ABCA13: variants seen among roughly 807,000 people sequenced by gnomAD.
ABCA13 encodes ATP-binding cassette sub-family A member 13.
Under a neutral mutation model 478.7 loss-of-function variants are expected in ABCA13, and 476 were observed. The observed-to-expected ratio is 0.99, with a 90% confidence interval of 0.92 to 1.07. ABCA13 has a LOEUF of 1.07. ABCA13 is among the 50% of genes least tolerant of loss of function. ABCA13 has a pLI of 0.00. For synonymous variants in ABCA13, 2,252 were observed against 2,158.9 expected (o/e 1.04, Z -1.20); for missense variants, 6,060 against 5,910.6 (o/e 1.03, Z -0.83).
chr7:48,633,931 C>CATAGATAGATAG (rs58253125), intron 59 of ABCA13, among the ~76,000 whole-genome samples: 4 of 144,890 alleles, frequency 2.8e-5, no homozygotes, highest in East Asian at 2.1e-4. Context: ...TAGATAGATA[C>CATAGATAGATAG]ATAGATAGAT....
intron 20 of ABCA13, among the ~76,000 whole-genome samples, chr7:48,291,358 T>G (rs1331904563): frequency 6.6e-6 from 1 of 152,184 alleles, no homozygotes; most frequent in Non-Finnish European, 1.5e-5. Flanking sequence ...ACTCACACAA[T>G]GCAGGGGTTC....
intron 42 of ABCA13, 77 bp from the exon 43 acceptor site, chr7:48,454,960 C>A: frequency 7.0e-7 from 1 of 1,424,416 alleles, no homozygotes; most frequent in Non-Finnish European, 9.2e-7. Flanking sequence ...GCAGGGTCAC[C>A]GAGAGGGCAA....
intron 3 of ABCA13, among the ~76,000 whole-genome samples, chr7:48,200,528 C>G (rs926155163): frequency 6.6e-6 from 1 of 152,144 alleles, no homozygotes; most frequent in African/African-American, 2.4e-5. Context: ...GAGTGGTAGT[C>G]AGGTTAATAG....
At chr7:48,438,071 G>A (rs948841896) in intron 42 of ABCA13, among the ~76,000 whole-genome samples, 4 of 151,998 alleles carry the variant, frequency 2.6e-5, no homozygotes, top group Non-Finnish European at 5.9e-5. Flanking sequence ...TCCAATCTTA[G>A]ATCTAAACTA....
intron 48 of ABCA13, among the ~76,000 whole-genome samples, chr7:48,492,237 C>A (rs776260534): frequency 6.6e-6 from 1 of 152,106 alleles, no homozygotes. Context: ...TGCATCACTG[C>A]CCTGCCATCC....
At chr7:48,473,919 T>C (rs971964686) in intron 45 of ABCA13, among the ~76,000 whole-genome samples, 2 of 152,230 alleles carry the variant, frequency 1.3e-5, no homozygotes, top group African/African-American at 4.8e-5. Flanking sequence ...ACAGTACGCT[T>C]AGTGAGCACT....
At position 48,269,027 on chromosome 7, in the gene ABCA13, A is replaced by G. The variant is rs1288077948; in HGVS notation, c.2053A>G (p.Met685Val). ...TTTTGAAGAAAACATGGATTGGAAA[A>G]TGATCAGTGATAATTATTTTCAATT... is the stretch of plus-strand genomic sequence containing the variant. ...PCFEENMDWKMISDNYFQFLN... is the reference protein window; with the variant it reads ...PCFEENMDWKVISDNYFQFLN... The change falls in exon 16 of 62, where the codon ATG becomes GTG. Residue 685 changes from methionine (M) to valine (V), a missense_variant. This residue lies in a region of ABCA13 where 4,423 missense variants were observed against 4,309.1 expected (regional missense o/e 1.03). Transcript: ENST00000435803. 5 of 1,603,290 alleles carry G rather than the reference A, an allele frequency of 3.1e-6. No homozygotes were observed. Among genetic ancestry groups the G allele is most frequent in the Non-Finnish European group, 4.3e-6 (5 of 1,171,894 alleles).
At chr7:48,260,880 CTA>C (rs1472758738) in intron 15 of ABCA13, among the ~76,000 whole-genome samples, 4 of 151,778 alleles carry the variant, frequency 2.6e-5, no homozygotes, top group Non-Finnish European at 5.9e-5. Context: ...TTCCTGGATT[CTA>C]TGTTTTATCT....
In ABCA13 at chr7:48,392,057, A is replaced by G. The variant is rs765342883; in HGVS notation, c.11791A>G (p.Thr3931Ala). The G allele has an allele frequency of 1.9e-6, 3 of 1,613,904 alleles. No homozygotes were observed. The South Asian group carries it at 3.3e-5, about 18-fold the overall frequency. Residue 3931 changes from threonine to alanine, a missense_variant, in exon 38 of 62, where the codon ACC becomes GCC. This residue lies in a region of ABCA13 where 1,627 missense variants were observed against 1,571.0 expected (regional missense o/e 1.04). Transcript: ENST00000435803. Reference protein sequence around the residue: ...PQQDILLDNLTVREHLLLFAS... With the variant: ...PQQDILLDNLAVREHLLLFAS... ...GCAGGACATCCTGTTGGACAACCTCACCGTCCGGGAACATTTGCTGCTCTT... is the reference window on the plus strand; with the variant it reads ...GCAGGACATCCTGTTGGACAACCTCGCCGTCCGGGAACATTTGCTGCTCTT...
At chr7:48,238,100 T>C (rs1790238556) in intron 8 of ABCA13, among the ~76,000 whole-genome samples, 1 of 152,210 alleles carries the variant, frequency 6.6e-6, no homozygotes, top group African/African-American at 2.4e-5. Context: ...CAGGCTGTTA[T>C]AACAAAAGAC....
At chr7:48,203,277 G>A (rs1007921755) in intron 3 of ABCA13, among the ~76,000 whole-genome samples, 1 of 152,170 alleles carries the variant, frequency 6.6e-6, no homozygotes, top group African/African-American at 2.4e-5. Flanking sequence ...ACGCAGCCCC[G>A]GTTCCCGCTC....
intron 55 of ABCA13, among the ~76,000 whole-genome samples, chr7:48,577,762 A>C (rs1788320770): frequency 6.6e-6 from 1 of 152,130 alleles, no homozygotes; most frequent in African/African-American, 2.4e-5. Flanking sequence ...AAACCAGACA[A>C]GGGCATTACA....
chr7:48,487,379 G>A (rs904256434), intron 47 of ABCA13, among the ~76,000 whole-genome samples: 3 of 151,312 alleles, frequency 2.0e-5, no homozygotes, highest in Non-Finnish European at 2.9e-5. Context: ...AATCTACAAA[G>A]GGTGAAACTA....
At chr7:48,525,666 T>A (rs1278066724) in intron 54 of ABCA13, among the ~76,000 whole-genome samples, 2 of 112,264 alleles carry the variant, frequency 1.8e-5, no homozygotes, top group Non-Finnish European at 3.4e-5. Context: ...TCTGTTTAGA[T>A]GCGCTTTTTT....
chr7:48,381,283 G>T (rs990798561), intron 35 of ABCA13, among the ~76,000 whole-genome samples: 4 of 151,992 alleles, frequency 2.6e-5, no homozygotes, highest in Non-Finnish European at 4.4e-5. Flanking sequence ...GTCTCCTGTG[G>T]GTAGGAGGGT....
Position 48,278,698 on chromosome 7 carries a change from C to A in ABCA13, c.7504C>A (p.Leu2502Met). The A allele has an allele frequency of 1.2e-5, 19 of 1,613,922 alleles. No homozygotes were observed. Among genetic ancestry groups the A allele is most frequent in the Non-Finnish European group, 1.6e-5 (19 of 1,179,788 alleles). ...ACCCCTCTTAGAAATGTCTGGGACT[C>A]TGGTCATGCTGTTGAATGACAGTGC... Reference protein sequence around the residue: ...LKPLLEMSGTLVMLLNDSADL... With the variant: ...LKPLLEMSGTMVMLLNDSADL... The change falls in exon 18 of 62, where the codon CTG becomes ATG. Residue 2502 changes from leucine to methionine, a missense_variant. By Grantham distance (15) the Leu-to-Met change is conservative. Transcript: ENST00000435803.
chr7:48,239,486 A>G (rs932422641), intron 9 of ABCA13, 81 bp downstream of exon 9: 13 of 1,454,276 alleles, frequency 8.9e-6, no homozygotes, highest in Middle Eastern at 2.4e-4. Context: ...CTGCCCTGCC[A>G]TGTTTACTGT....
At chr7:48,257,444 C>T (rs751297714) in intron 15 of ABCA13, among the ~76,000 whole-genome samples, 11 of 152,100 alleles carry the variant, frequency 7.2e-5, no homozygotes, top group East Asian at 1.9e-4. Flanking sequence ...TGTTTTTCAT[C>T]GATGGGCTGT....
intron 39 of ABCA13, chr7:48,404,497 G>T (rs1336191636): frequency 1.2e-5 from 2 of 160,350 alleles, no homozygotes; most frequent in Non-Finnish European, 2.8e-5. Flanking sequence ...AACACATCTT[G>T]GTGCTGGTAA....
Sources: allele counts gnomAD v4.1 joint callset (sites outside exome capture counted in the v4.1 genomes callset), GRCh38; gene constraint gnomAD v4.1.1; regional missense constraint gnomAD v4.1.1; transcripts MANE v1.5; gene names NCBI Gene and HGNC (gene_info 2026-07-23, HGNC 2026-07-21).